PARD3: variants seen among roughly 807,000 people sequenced by gnomAD.
PARD3 encodes the protein par-3 family cell polarity regulator, also known as partitioning defective 3 homolog.
Under a neutral mutation model 155.4 loss-of-function variants are expected in PARD3, and 75 were observed. The observed-to-expected ratio is 0.48, with a 90% CI of 0.40 to 0.58. The LOEUF is 0.58. Among genes scored for constraint, PARD3 ranks in the 20% least tolerant of loss-of-function variants. The pLI is 0.00. For synonymous variants in PARD3, 576 were observed against 610.5 expected (o/e 0.94, Z 0.83); for missense variants, 1,642 against 1,721.7 (o/e 0.95, Z 0.82).
chr10:34,424,106 CTAATA>C (rs1265031870), intron 5 of PARD3, among the ~76,000 whole-genome samples: 9 of 151,902 alleles, frequency 5.9e-5, no homozygotes, highest in East Asian at 3.9e-4. Context: ...AACATCTTAC[CTAATA>C]TAATATAATA....
chr10:34,378,024 G>C lies in PARD3; in HGVS notation c.1482C>G (p.Leu494=). The change falls in exon 10 of 25, where the codon CTC becomes CTG. Residue 494 remains leucine (L), a synonymous_variant. Transcript: ENST00000374788. ...CATCCTGAATGGCCGCCCCCCGGGG[G>C]AGAATGTTTTTCACATAGATTGGAG... ...GSAPIYVKNI[L]PRGAAIQDGR... 2 of 1,589,398 alleles carry C rather than the reference G, an allele frequency of 1.3e-6. No homozygotes were observed. Among genetic ancestry groups the C allele is most frequent in the Non-Finnish European group, 1.7e-6 (2 of 1,170,142 alleles).
At chr10:34,530,313 C>T (rs1203804744) in intron 2 of PARD3, among the ~76,000 whole-genome samples, 2 of 152,072 alleles carry the variant, frequency 1.3e-5, no homozygotes. Flanking sequence ...AATTACAGTA[C>T]ACATATCACA....
intron 21 of PARD3, among the ~76,000 whole-genome samples, chr10:34,274,405 C>T (rs1955777113): frequency 6.6e-6 from 1 of 152,086 alleles, no homozygotes; most frequent in Admixed American, 6.6e-5. Flanking sequence ...TTCTTTGCAC[C>T]ATAATGTCTT....
At chr10:34,455,243 T>C (rs960428058) in intron 4 of PARD3, among the ~76,000 whole-genome samples, 1 of 152,176 alleles carries the variant, frequency 6.6e-6, no homozygotes, top group East Asian at 1.9e-4. Flanking sequence ...ATAGCATATT[T>C]TGAAATACAA....
Position 34,399,334 on chromosome 10 carries a change from C to T in PARD3, c.886G>A (p.Gly296Ser), listed in dbSNP as rs1318311744. The change falls in exon 7 of 25, where the codon GGC becomes AGC. Residue 296 changes from glycine to serine, a missense_variant. Gly to Ser is a moderately conservative substitution (Grantham distance 56, BLOSUM62 0). Around this residue, in one of 3 missense-constraint regions of PARD3, gnomAD observed 1,529 missense variants for 1,587.3 expected, o/e 0.96. Transcript: ENST00000374788. ...AAAACCTCCAAGATACGTTACCTGCCGCCTCGAGCACTGAAAGGCACTACG... is the reference window on the plus strand; with the variant it reads ...AAAACCTCCAAGATACGTTACCTGCTGCCTCGAGCACTGAAAGGCACTACG... ...IHVVPFSARGGRTLGLLVKRL... is the reference protein window; with the variant it reads ...IHVVPFSARGSRTLGLLVKRL... The T allele has an allele frequency of 5.6e-6, 9 of 1,597,682 alleles. No individual in the cohort carries two copies. Among genetic ancestry groups the T allele is most frequent in the Admixed American group, 1.7e-5 (1 of 59,992 alleles).
chr10:34,283,966 TA>T (rs1956270528), intron 21 of PARD3, among the ~76,000 whole-genome samples, 168 bp downstream of exon 21: 1 of 151,488 alleles, frequency 6.6e-6, no homozygotes, highest in Non-Finnish European at 1.5e-5. Context: ...TTTTTTTTTT[TA>T]AATCTCTCTT....
At chr10:34,261,840 A>C (rs1955037598) in intron 22 of PARD3, among the ~76,000 whole-genome samples, 1 of 148,134 alleles carries the variant, frequency 6.8e-6, no homozygotes. Context: ...AAACAAACAA[A>C]CAAACACACA....
rs541619055 is a variant in PARD3, at chr10:34,176,216, T to C, written c.3420-44633A>G. ...CTTTGACGTATTAGAGCCAAGAAAATGAAGAGTTAAACAAATTTAATTTTA... is the reference window on the plus strand; with the variant it reads ...CTTTGACGTATTAGAGCCAAGAAAACGAAGAGTTAAACAAATTTAATTTTA... On this transcript the variant is annotated intron_variant, in intron 22 of 24. Coordinates refer to ENST00000374788, the MANE Select transcript of PARD3 (RefSeq NM_001184785.2). Among the ~76,000 whole-genome samples the C allele has an allele frequency of 3.3e-5, 5 of 152,256 alleles. No homozygotes were observed. The East Asian group carries it at 7.7e-4, about 24-fold the overall frequency.
At chr10:34,761,890 G>A (rs1837488664) in intron 1 of PARD3, among the ~76,000 whole-genome samples, 3 of 152,024 alleles carry the variant, frequency 2.0e-5, no homozygotes. Context: ...TCAAGGATGG[G>A]ATTAGAAAAA....
At chr10:34,242,328 C>A (rs144678367) in intron 22 of PARD3, among the ~76,000 whole-genome samples, 280 of 152,224 alleles carry the variant, frequency 1.8e-3, no homozygotes, top group African/African-American at 6.3e-3. Context: ...TTGTCCAAGG[C>A]AGCACTCCTA....
chr10:34,696,308 C>T lies in PARD3; in HGVS notation c.222+10G>A, dbSNP rs1225484925. The T allele has an allele frequency of 3.2e-6, 5 of 1,554,516 alleles. No homozygotes were observed. The highest frequency in any genetic ancestry group is 3.5e-6 in the Non-Finnish European group (4 of 1,127,568). On this transcript the variant is annotated intron_variant, in intron 2 of 24. Coordinates refer to ENST00000374788, the MANE Select transcript of PARD3 (RefSeq NM_001184785.2). ...GCATTCAGAACAGGTTCCCCAGGAC[C>T]TGAACTCACTCTGTCTTTATCGTCT...
intron 2 of PARD3, among the ~76,000 whole-genome samples, chr10:34,669,529 T>C (rs1001773331): frequency 6.6e-6 from 1 of 152,144 alleles, no homozygotes; most frequent in Non-Finnish European, 1.5e-5. Context: ...AAGCCAAGAA[T>C]TCACCACCAC....
At chr10:34,807,759 CTGTT>C (rs1033919644) in intron 1 of PARD3, among the ~76,000 whole-genome samples, 1 of 151,794 alleles carries the variant, frequency 6.6e-6, no homozygotes, top group Admixed American at 6.6e-5. Context: ...AAAATATACT[CTGTT>C]TAGGTGAAAA....
intron 12 of PARD3, among the ~76,000 whole-genome samples, chr10:34,368,946 T>A (rs1277005530): frequency 4.3e-4 from 65 of 151,618 alleles, no homozygotes; most frequent in Non-Finnish European, 8.8e-5. Context: ...TTAAAAAAAA[T>A]TCAGTCATAG....
At chr10:34,242,804 G>A (rs552985311) in intron 22 of PARD3, among the ~76,000 whole-genome samples, 28 of 152,166 alleles carry the variant, frequency 1.8e-4, no homozygotes, top group South Asian at 6.2e-4. Context: ...GCGTGGTGGC[G>A]CACACCTGTA....
At chr10:34,813,882 G>A (rs1186847342) in intron 1 of PARD3, among the ~76,000 whole-genome samples, 1 of 152,172 alleles carries the variant, frequency 6.6e-6, no homozygotes, top group Non-Finnish European at 1.5e-5. Context: ...ATATATCCCC[G>A]GGTGCTTGGG....
intron 22 of PARD3, among the ~76,000 whole-genome samples, chr10:34,166,960 C>T (rs1949558479): frequency 6.6e-6 from 1 of 152,288 alleles, no homozygotes; most frequent in Admixed American, 6.5e-5. Context: ...ACAAAACTAT[C>T]ACACTAGTGA....
chr10:34,615,072 T>C (rs1201162142), intron 2 of PARD3, among the ~76,000 whole-genome samples: 1 of 151,134 alleles, frequency 6.6e-6, no homozygotes, highest in Non-Finnish European at 1.5e-5. Context: ...TCCCAGCTAC[T>C]TGGGAGGCTG....
At chr10:34,476,549 T>C (rs901568437) in intron 3 of PARD3, among the ~76,000 whole-genome samples, 2 of 152,306 alleles carry the variant, frequency 1.3e-5, no homozygotes, top group Admixed American at 1.3e-4. Context: ...AGACCTGTGA[T>C]ACTGGCACAT....
Sources: gnomAD v4.1 joint callset for allele counts (sites outside exome capture counted in the v4.1 genomes callset) on GRCh38, gnomAD v4.1.1 for gene constraint, gnomAD v4.1.1 regional missense constraint, MANE v1.5 for transcripts, NCBI Gene and HGNC (gene_info 2026-07-23, HGNC 2026-07-21) for gene names.